Variants in TMEM14B observed in about 807,000 individuals in gnomAD.
TMEM14B encodes transmembrane protein 14B.
A neutral mutation model predicts 14.8 loss-of-function variants in TMEM14B; 9 were observed. The observed-to-expected ratio is 0.61, with a 90% confidence interval of 0.37 to 1.06. The LOEUF (loss-of-function observed/expected upper bound fraction) is 1.06. Among genes scored for constraint, TMEM14B ranks in the 50% least tolerant of loss-of-function variants. TMEM14B has a pLI of 0.01. For synonymous variants in TMEM14B, 40 were observed against 51.3 expected, an observed-to-expected ratio of 0.78 and a Z score of 0.94; for missense variants, 128 against 143.6, an observed-to-expected ratio of 0.89 and a Z score of 0.56.
At chr6:10,759,137 C>T (rs1771901453), downstream of TMEM14B, 1 of 157,856 alleles carries the variant, frequency 6.3e-6, no homozygotes, top group Admixed American at 6.5e-5. Context: ...CCAGGCTGGT[C>T]TTGAACTGAC....
intron 4 of TMEM14B, chr6:10,752,874 T>A (rs1233894): frequency 0.88 from 133,327 of 152,128 alleles, 58,676 homozygotes; most frequent in African/African-American, 0.96. Context: ...GACCCTGCTT[T>A]GCTTCTGGGA....
intron 3 of TMEM14B, 85 bp from the exon 4 acceptor site, chr6:10,751,048 C>A: frequency 6.5e-7 from 1 of 1,540,968 alleles, no homozygotes; most frequent in Non-Finnish European, 8.9e-7. Context: ...TTGTGCTGTC[C>A]TTTGTAGGGC....
Position 10,755,137 on chromosome 6 carries a change from T to G in TMEM14B, c.203-5T>G. 1 of 1,613,374 alleles carries G rather than the reference T, an allele frequency of 6.2e-7. No homozygotes were observed. The highest frequency in any genetic ancestry group is 8.5e-7 in the Non-Finnish European group (1 of 1,179,984). On this transcript the variant is annotated splice_polypyrimidine_tract_variant and splice_region_variant and intron_variant, in intron 4 of 5. Coordinates refer to ENST00000379542, the MANE Select transcript of TMEM14B (RefSeq NM_030969.5). ...AGTTTTGACCCTTCTTTGTATCTTT[T>G]TCAGCCGCTACATCTGTTACTTTTG...
At chr6:10,752,193 G>A (rs1228811547) in intron 4 of TMEM14B, among the ~76,000 whole-genome samples, 1 of 151,950 alleles carries the variant, frequency 6.6e-6, no homozygotes, top group African/African-American at 2.4e-5. Flanking sequence ...CTCAGCAAAT[G>A]ACCTCACACC....
At position 10,755,142 on chromosome 6, in the gene TMEM14B, C is replaced by T; in HGVS notation, c.203C>T (p.Ala68Val). The T allele has an allele frequency of 6.2e-7, 1 of 1,613,384 alleles. No individual in the cohort carries two copies. Among genetic ancestry groups the T allele is most frequent in the Non-Finnish European group, 8.5e-7 (1 of 1,179,950 alleles). Residue 68 changes from alanine (A) to valine (V), a missense_variant and splice_region_variant, in exon 5 of 6, where the codon GCC (alanine) becomes GTC (valine). Ala to Val is a moderately conservative substitution (Grantham distance 64, BLOSUM62 0). Transcript: ENST00000379542. ...TGACCCTTCTTTGTATCTTTTTCAG[C>T]CGCTACATCTGTTACTTTTGTTGGT... ...QDPRNVWGFL[A>V]ATSVTFVGVM...
chr6:10,750,595 G>C (rs980676365), intron 3 of TMEM14B, among the ~76,000 whole-genome samples: 4 of 152,030 alleles, frequency 2.6e-5, no homozygotes, highest in African/African-American at 9.7e-5. Flanking sequence ...TCAATCGGAC[G>C]AATTCCTGGG....
chr6:10,757,078 A>G (rs927294930), downstream of TMEM14B: 40 of 827,954 alleles, frequency 4.8e-5, no homozygotes, highest in African/African-American at 6.9e-4. Flanking sequence ...ATATTTAGAA[A>G]TTACCTATTT....
chr6:10,749,626 C>T lies in TMEM14B; in HGVS notation c.28C>T (p.Pro10Ser). ...TGACTTCTCTTGTGTTTTCAGAGTGCCTTTGCATTGGTTTGGCTTTGGCTA... is the reference window on the plus strand; with the variant it reads ...TGACTTCTCTTGTGTTTTCAGAGTGTCTTTGCATTGGTTTGGCTTTGGCTA... MEKPLFPLVPLHWFGFGYTA... is the reference protein window; with the variant it reads MEKPLFPLVSLHWFGFGYTA... Residue 10 changes from proline (P) to serine (S), a missense_variant, in exon 3 of 6, where the codon CCT becomes TCT. Physicochemically the swap from Pro to Ser is moderately conservative, Grantham distance 74 (BLOSUM62 -1). Coordinates refer to ENST00000379542, the MANE Select transcript of TMEM14B (RefSeq NM_030969.5). The T allele has an allele frequency of 6.2e-7, 1 of 1,614,232 alleles. No homozygotes were observed. The highest frequency in any genetic ancestry group is 8.5e-7 in the Non-Finnish European group (1 of 1,180,042).
intron 3 of TMEM14B, chr6:10,750,173 A>ATT (rs200690813): frequency 6.3e-6 from 1 of 158,780 alleles, no homozygotes; most frequent in Non-Finnish European, 1.4e-5. Flanking sequence ...CTGATCTTCT[A>ATT]TTTTTTTTTT....
chr6:10,752,889 A>G (rs1158486316), intron 4 of TMEM14B: 2 of 152,120 alleles, frequency 1.3e-5, no homozygotes, highest in African/African-American at 4.8e-5. Context: ...CTGGGATCAG[A>G]CAAGATCTAG....
At position 10,756,753 on chromosome 6, in the gene TMEM14B, T is replaced by C. The variant is rs1771819147; in HGVS notation, c.*235T>C. On this transcript the variant is annotated 3_prime_UTR_variant, in exon 6 of 6. Transcript: ENST00000379542. ...AGACCATCATAGAGATCGATTCTTG[T>C]ATATTGATTTTATCTCTTTCTGTAT... 4 of 1,156,326 alleles carry C rather than the reference T, an allele frequency of 3.5e-6. No individual in the cohort carries two copies. The highest frequency in any genetic ancestry group is 7.3e-4 in the Middle Eastern group (2 of 2,736). 71.6% of individuals were successfully genotyped at this position (1,156,326 alleles called of 1,614,324 possible). A position where few individuals can be genotyped will look rare whatever the true frequency, so the allele number is the denominator to read the frequency against.
chr6:10,752,451 C>CT (rs1771621636), intron 4 of TMEM14B, among the ~76,000 whole-genome samples: 1 of 142,114 alleles, frequency 7.0e-6, no homozygotes, highest in Non-Finnish European at 1.5e-5. Context: ...TCATAAACTA[C>CT]CTTTTTTTTT....
In TMEM14B at chr6:10,756,673, A is replaced by G. The variant is rs1334541151; in HGVS notation, c.*155A>G. ...AAATTTGGCGGAGGGGTGGAAAATC[A>G]GTTGTTACCATTATAACCCTACAGA... is the stretch of plus-strand genomic sequence containing the variant. On this transcript the variant is annotated 3_prime_UTR_variant, in exon 6 of 6. Transcript: ENST00000379542. 10 of 1,399,700 alleles carry G rather than the reference A, an allele frequency of 7.1e-6. No individual in the cohort carries two copies. The East Asian group carries it at 2.7e-4, about 38-fold the overall frequency. 86.7% of individuals were successfully genotyped at this position (1,399,700 alleles called of 1,614,324 possible).
At chr6:10,748,879 A>G (rs138718029) in intron 1 of TMEM14B, among the ~76,000 whole-genome samples, 2 of 152,326 alleles carry the variant, frequency 1.3e-5, no homozygotes, top group East Asian at 3.9e-4. Flanking sequence ...TTGCTTTCCG[A>G]TTTAGTGATA....
rs1006320705 is a variant in TMEM14B, at chr6:10,753,001, C to T, written c.202+1767C>T. The T allele has an allele frequency of 3.9e-5, 6 of 151,982 alleles. 1 individual carries two copies. Among genetic ancestry groups the T allele is most frequent in the African/African-American group, 7.3e-5 (3 of 41,282 alleles). 9.4% of individuals were successfully genotyped at this position (151,982 alleles called of 1,614,324 possible). A position where few individuals can be genotyped will look rare whatever the true frequency, so the allele number is the denominator to read the frequency against. The stretch of plus-strand genomic sequence containing the variant: ...GTATAATCCCAGCACTTTGGGAGAC[C>T]GAGGCAGGCGGCTCACCTGAGGTCG... On this transcript the variant is annotated intron_variant, in intron 4 of 5. Coordinates refer to ENST00000379542, the MANE Select transcript of TMEM14B (RefSeq NM_030969.5).
chr6:10,749,404 C>A, intron 2 of TMEM14B, 136 bp downstream of exon 2: 1 of 1,251,216 alleles, frequency 8.0e-7, no homozygotes, highest in Non-Finnish European at 1.1e-6. Context: ...GACCTGTGGG[C>A]CAGAAACTTG....
At chr6:10,756,371 AC>A (rs1360868717) in intron 5 of TMEM14B, 95 bp from the exon 6 acceptor site, 7 of 1,434,486 alleles carry the variant, frequency 4.9e-6, no homozygotes, top group Non-Finnish European at 5.7e-6. Context: ...CCTCCCCCAC[AC>A]AGTTGTGAGG....
Position 10,752,520 on chromosome 6 carries a change from G to C in TMEM14B, c.202+1286G>C, listed in dbSNP as rs929788714. On this transcript the variant is annotated intron_variant, in intron 4 of 5. Transcript: ENST00000379542. ...TGCCCAGGCTAGAGTGCAGTGGCGC[G>C]GTCTTGGCTCACTGCAACCTCCGCC... Among the ~76,000 whole-genome samples the C allele has an allele frequency of 4.0e-5, 6 of 148,586 alleles. 1 individual carries two copies. The highest frequency in any genetic ancestry group is 8.9e-5 in the Non-Finnish European group (6 of 67,490).
intron 3 of TMEM14B, among the ~76,000 whole-genome samples, chr6:10,750,472 AGT>A (rs1771504816): frequency 6.6e-6 from 1 of 151,542 alleles, no homozygotes; most frequent in South Asian, 2.1e-4. Flanking sequence ...ATTTTACTGA[AGT>A]AAAGTAGGCA....
Sources: allele counts gnomAD v4.1 joint callset (sites outside exome capture counted in the v4.1 genomes callset), GRCh38; gene constraint gnomAD v4.1.1; transcripts MANE v1.5; gene names NCBI Gene and HGNC (gene_info 2026-07-23, HGNC 2026-07-21).